The following MAPRE3 variants were observed in gnomAD, a reference collection of about 807,000 sequenced individuals.
MAPRE3 encodes microtubule associated protein RP/EB family member 3.
MAPRE3 carries 2 observed loss-of-function variants against 30.5 expected under a neutral mutation model. The observed-to-expected ratio is 0.07, with a 90% CI of 0.03 to 0.21. The LOEUF is 0.21. Among genes scored for constraint, MAPRE3 ranks in the 10% least tolerant of loss-of-function variants. MAPRE3 has a pLI of 1.00. For missense variants in MAPRE3, 204 were observed against 351.8 expected (o/e 0.58, Z 3.36); for synonymous variants, 110 against 127.7 (o/e 0.86, Z 0.93).
At chr2:27,014,298 A>ACT (rs1346468479) in intron 1 of MAPRE3, among the ~76,000 whole-genome samples, 1 of 151,938 alleles carries the variant, frequency 6.6e-6, no homozygotes, top group Admixed American at 6.6e-5. Context: ...TACCCCAAGG[A>ACT]CTCCTTCCCT....
chr2:27,019,134 C>T (rs531184184), intron 1 of MAPRE3, among the ~76,000 whole-genome samples: 8 of 152,036 alleles, frequency 5.3e-5, no homozygotes, highest in East Asian at 1.9e-4. Context: ...CTTAGGTGAT[C>T]GGCACCCCCC....
chr2:26,992,531 A>T (rs983438958), intron 1 of MAPRE3, among the ~76,000 whole-genome samples: 4 of 126,102 alleles, frequency 3.2e-5, no homozygotes, highest in Non-Finnish European at 7.2e-5. Context: ...GGCCCAGATA[A>T]TTTTTTTTTT....
chr2:27,025,113 G>C (rs1667207424), intron 4 of MAPRE3, among the ~76,000 whole-genome samples: 1 of 152,172 alleles, frequency 6.6e-6, no homozygotes, highest in African/African-American at 2.4e-5. Flanking sequence ...GCCCAGCAGA[G>C]GGCAAAAGAG....
At chr2:26,984,785 C>T (rs1666186967) in intron 1 of MAPRE3, 1 of 152,210 alleles carries the variant, frequency 6.6e-6, no homozygotes, top group Non-Finnish European at 1.5e-5. Flanking sequence ...GGATCATATT[C>T]ATTTATAGTT....
intron 1 of MAPRE3, among the ~76,000 whole-genome samples, chr2:26,996,280 G>A (rs1324099640): frequency 2.0e-5 from 3 of 151,780 alleles, no homozygotes; most frequent in Non-Finnish European, 2.9e-5. Context: ...TCAGCCTCCC[G>A]AATAACTGGG....
intron 1 of MAPRE3, among the ~76,000 whole-genome samples, chr2:26,995,732 A>G (rs1035219830): frequency 4.0e-5 from 6 of 149,968 alleles, no homozygotes; most frequent in Non-Finnish European, 8.9e-5. Context: ...GTTGGAGGCC[A>G]AATCAGAATG....
rs1201673739 is a variant in MAPRE3 at position 27,015,783 on chromosome 2, A to G, written c.-7-6429A>G. On this transcript the variant is annotated intron_variant, in intron 1 of 6. Coordinates refer to ENST00000233121, the MANE Select transcript of MAPRE3 (RefSeq NM_012326.4). This position sits in a 1 kb window ranked among gnomAD's most constrained non-coding sequence, Gnocchi z 4.0. ...TGCAGACTTATTGGCCATCTTTATG[A>G]TTTAAGAATATAAGTGCCTAGATCT... Among the ~76,000 whole-genome samples the G allele has an allele frequency of 2.6e-5, 4 of 152,192 alleles. No homozygotes were observed. Among genetic ancestry groups the G allele is most frequent in the Admixed American group, 2.6e-4 (4 of 15,278 alleles).
chr2:27,022,182 G>A (rs756298973), intron 1 of MAPRE3, 30 bp from the exon 2 acceptor site: 3 of 1,609,962 alleles, frequency 1.9e-6, no homozygotes, highest in East Asian at 2.2e-5. Flanking sequence ...AGGCCCCAGT[G>A]CTGACCTCAC....
intron 1 of MAPRE3, among the ~76,000 whole-genome samples, chr2:27,003,309 T>C (rs1666644980): frequency 6.6e-6 from 1 of 151,944 alleles, no homozygotes; most frequent in Non-Finnish European, 1.5e-5. Flanking sequence ...TGAATCCAAA[T>C]GAGCAAGACA....
intron 1 of MAPRE3, among the ~76,000 whole-genome samples, chr2:26,978,316 G>A (rs1666052370): frequency 6.6e-6 from 1 of 152,234 alleles, no homozygotes; most frequent in African/African-American, 2.4e-5. Flanking sequence ...ACCACTAGAT[G>A]AAATTAGATA....
chr2:27,002,419 C>CTTTTTTT (rs11372255), intron 1 of MAPRE3, among the ~76,000 whole-genome samples: 1 of 147,034 alleles, frequency 6.8e-6, no homozygotes, highest in Admixed American at 6.8e-5. Context: ...GGCTTTTAAT[C>CTTTTTTT]TTTTTTTTTT....
chr2:27,005,108 T>C (rs1017957306), intron 1 of MAPRE3, among the ~76,000 whole-genome samples: 4 of 152,206 alleles, frequency 2.6e-5, no homozygotes, highest in African/African-American at 9.7e-5. Flanking sequence ...ACAGCCTTTA[T>C]GGAAGCTGTT....
chr2:26,973,050 C>T (rs955144734), intron 1 of MAPRE3, among the ~76,000 whole-genome samples: 1 of 152,170 alleles, frequency 6.6e-6, no homozygotes, highest in African/African-American at 2.4e-5. Context: ...GGACTGTATT[C>T]TTGATTCTAA....
chr2:27,024,488 A>G (rs1667190880), intron 4 of MAPRE3, among the ~76,000 whole-genome samples, 191 bp downstream of exon 4: 1 of 152,216 alleles, frequency 6.6e-6, no homozygotes, highest in Non-Finnish European at 1.5e-5. Context: ...GAGCTCCACA[A>G]ATTGGTCTAA....
chr2:26,982,451 T>G (rs148537449), intron 1 of MAPRE3, among the ~76,000 whole-genome samples: 1 of 152,242 alleles, frequency 6.6e-6, no homozygotes, highest in Non-Finnish European at 1.5e-5. Context: ...CCTGGACATT[T>G]TGTAGTCCCG....
chr2:26,980,403 A>G (rs950025799), intron 1 of MAPRE3, among the ~76,000 whole-genome samples: 2 of 152,268 alleles, frequency 1.3e-5, no homozygotes, highest in African/African-American at 4.8e-5. Context: ...TTTATCAGCA[A>G]ACATATAAAA....
rs528628243 is a variant in MAPRE3 at position 26,973,755 on chromosome 2, C to T, written c.-8+2953C>T. Among the ~76,000 whole-genome samples the T allele has an allele frequency of 3.3e-5, 5 of 152,200 alleles. No homozygotes were observed. In the East Asian group the frequency reaches 9.7e-4, roughly 30 times the overall value. ...TATTTTTAGTAGAGACGGGGTTTCA[C>T]CTTGTTAGCCAGGATGGTCTCCATC... On this transcript the variant is annotated intron_variant, in intron 1 of 6. Transcript: ENST00000233121.
intron 1 of MAPRE3, chr2:27,014,181 C>T (rs1487130698): frequency 1.3e-5 from 2 of 152,146 alleles, no homozygotes; most frequent in East Asian, 1.9e-4. Context: ...CTAGATGAAC[C>T]CTACTGAAAT....
At position 27,025,666 on chromosome 2, in the gene MAPRE3, C is replaced by T. The variant is rs1482064737; in HGVS notation, c.553C>T (p.Arg185Trp). The T allele has an allele frequency of 8.1e-6, 13 of 1,613,244 alleles. No individual in the cohort carries two copies. The highest frequency in any genetic ancestry group is 1.1e-5 in the South Asian group (1 of 90,958). The change falls in exon 5 of 7, where the codon CGG becomes TGG. Residue 185 changes from arginine to tryptophan, a missense_variant. Coordinates refer to ENST00000233121, the MANE Select transcript of MAPRE3 (RefSeq NM_012326.4). ...CAATGTGGCCCCCCCCTGCATTCTC[C>T]GGAAGAATCCTCCATCAGCCCGAAA... The part of the protein sequence containing the change: ...LSNVAPPCIL[R>W]KNPPSARNGG...
Sources: allele counts gnomAD v4.1 joint callset (sites outside exome capture counted in the v4.1 genomes callset), GRCh38; gene constraint gnomAD v4.1.1; non-coding constraint Gnocchi (gnomAD v3.1); transcripts MANE v1.5; gene names NCBI Gene and HGNC (gene_info 2026-07-23, HGNC 2026-07-21).